The following CLHC1 variants were observed in gnomAD, a reference collection of about 807,000 sequenced individuals.
CLHC1 encodes clathrin heavy chain linker domain containing 1, also known as clathrin heavy chain linker domain-containing protein 1.
Under a neutral mutation model 69.5 loss-of-function variants are expected in CLHC1, and 72 were observed. The observed-to-expected ratio is 1.04, with a 90% CI of 0.86 to 1.26. CLHC1 has a LOEUF of 1.26. CLHC1 is among the 50% of genes most tolerant of loss of function. The probability of loss-of-function intolerance (pLI) is 0.00; values close to 1 mark genes in which losing one functional copy is unlikely to be tolerated. For missense variants in CLHC1, 790 were observed against 679.3 expected (o/e 1.16, Z -1.81); for synonymous variants, 223 against 224.3 (o/e 0.99, Z 0.05).
At chr2:55,194,982 TC>T (rs1671269885) in intron 9 of CLHC1, among the ~76,000 whole-genome samples, 1 of 151,936 alleles carries the variant, frequency 6.6e-6, no homozygotes, top group South Asian at 2.1e-4. Flanking sequence ...AGTGGTGTGA[TC>T]ATAGCTCACT....
At chr2:55,228,627 G>A (rs1674944267) in intron 1 of CLHC1, among the ~76,000 whole-genome samples, 1 of 152,230 alleles carries the variant, frequency 6.6e-6, no homozygotes, top group South Asian at 2.1e-4. Context: ...CAGAAGGCCA[G>A]AGGGGCATCT....
chr2:55,211,088 C>T (rs1406239571), intron 5 of CLHC1, among the ~76,000 whole-genome samples: 1 of 152,176 alleles, frequency 6.6e-6, no homozygotes, highest in African/African-American at 2.4e-5. Context: ...ATTGATTCTA[C>T]TTAATTTTAA....
chr2:55,180,657 T>C lies in CLHC1; in HGVS notation c.1237A>G (p.Thr413Ala), dbSNP rs771657599. The C allele has an allele frequency of 5.0e-6, 8 of 1,613,960 alleles. No homozygotes were observed. In the South Asian group the frequency reaches 8.8e-5, roughly 18 times the overall value. The change falls in exon 11 of 13, where the codon ACT becomes GCT. Residue 413 changes from threonine (T) to alanine (A), a missense_variant. Thr to Ala is a moderately conservative substitution (Grantham distance 58). Transcript: ENST00000401408. ...GCCAGGCACTTGGCCTTGTTATAAG[T>C]ATCCTGCTCCCCATAATCACAAATC... ...DVICDYGEQDTYNKAKCLALA... is the reference protein window; with the variant it reads ...DVICDYGEQDAYNKAKCLALA...
chr2:55,218,486 C>A (rs1673797698), intron 3 of CLHC1: 1 of 152,262 alleles, frequency 6.6e-6, no homozygotes, highest in Admixed American at 6.5e-5. Flanking sequence ...TTTCTATTCC[C>A]AGTCATGTGC....
intron 11 of CLHC1, among the ~76,000 whole-genome samples, 187 bp from the exon 12 acceptor site, chr2:55,177,968 C>T (rs1019741914): frequency 1.3e-5 from 2 of 151,886 alleles, no homozygotes; most frequent in African/African-American, 4.8e-5. Context: ...AAATCATGCT[C>T]AGCATAGCAA....
chr2:55,226,924 C>T (rs1674765018), intron 2 of CLHC1, among the ~76,000 whole-genome samples: 1 of 152,218 alleles, frequency 6.6e-6, no homozygotes, highest in Non-Finnish European at 1.5e-5. Context: ...TGAGCCACTG[C>T]ACCTGGCTGC....
rs1051117157 is a variant in CLHC1 at position 55,190,068 on chromosome 2, G to A, written c.1007-8324C>T. Among the ~76,000 whole-genome samples the A allele has an allele frequency of 1.5e-4, 22 of 151,274 alleles. 1 individual carries two copies. Among genetic ancestry groups the A allele is most frequent in the African/African-American group, 4.9e-4 (20 of 41,154 alleles). On this transcript the variant is annotated intron_variant, in intron 9 of 12. Coordinates refer to ENST00000401408, the MANE Select transcript of CLHC1 (RefSeq NM_152385.4). ...GTAAAATTCTTTTTTTTTTTGAGACGGAGTCTCACTCTGTGGCCCAGGCTG... is the reference window on the plus strand; with the variant it reads ...GTAAAATTCTTTTTTTTTTTGAGACAGAGTCTCACTCTGTGGCCCAGGCTG...
rs539103838 is a variant in CLHC1, at chr2:55,174,075, C to T, written c.*1715G>A. 1.3e-5 allele frequency among the ~76,000 whole-genome samples: 2 copies of T among 151,158 alleles called. No homozygotes were observed. The highest frequency in any genetic ancestry group is 4.9e-5 in the African/African-American group (2 of 41,180). On this transcript the variant is annotated 3_prime_UTR_variant, in exon 13 of 13. Coordinates refer to ENST00000401408, the MANE Select transcript of CLHC1 (RefSeq NM_152385.4). ...CAAAGAACCAGTGCTGCCGAAATAC[C>T]TCTCCCTTTCCATTCCTTTTTTCCA...
In CLHC1 at chr2:55,209,837, G is replaced by T; in HGVS notation, c.500-6C>A. On this transcript the variant is annotated splice_region_variant and splice_polypyrimidine_tract_variant and intron_variant, in intron 5 of 12. Transcript: ENST00000401408. Reference sequence around the variant, plus strand: ...GGATTCTTGAAGAGTCATGCCTATGGGGAAAGGGAACAAATCAAACACGAC... The same window carrying T: ...GGATTCTTGAAGAGTCATGCCTATGTGGAAAGGGAACAAATCAAACACGAC... The T allele has an allele frequency of 6.3e-7, 1 of 1,587,588 alleles. No individual in the cohort carries two copies. The highest frequency in any genetic ancestry group is 8.6e-7 in the Non-Finnish European group (1 of 1,160,366).
chr2:55,185,414 T>TA (rs1458600815), intron 9 of CLHC1, among the ~76,000 whole-genome samples: 3 of 152,158 alleles, frequency 2.0e-5, no homozygotes, highest in Non-Finnish European at 4.4e-5. Flanking sequence ...CTGAAAAAGA[T>TA]AAAACAAAAG....
In CLHC1 at chr2:55,188,103, C is replaced by A. The variant is rs542444706; in HGVS notation, c.1007-6359G>T. On this transcript the variant is annotated intron_variant, in intron 9 of 12. Coordinates refer to ENST00000401408, the MANE Select transcript of CLHC1 (RefSeq NM_152385.4). ...CCAAGGTGGGAGGATGGCTTAAGGC[C>A]AGGAGTTTGAGACCAGCCTGGGCAA... Among the ~76,000 whole-genome samples the A allele has an allele frequency of 2.0e-5, 3 of 152,172 alleles. 1 individual carries two copies. The highest frequency in any genetic ancestry group is 7.2e-5 in the African/African-American group (3 of 41,502).
At chr2:55,223,893 TC>T (rs1674428556) in intron 2 of CLHC1, 1 of 152,264 alleles carries the variant, frequency 6.6e-6, no homozygotes, top group Admixed American at 6.5e-5. Context: ...CCTCCCGAGT[TC>T]ACGCGATTCT....
chr2:55,212,459 C>T (rs984005218), intron 5 of CLHC1, among the ~76,000 whole-genome samples: 2 of 152,200 alleles, frequency 1.3e-5, no homozygotes, highest in East Asian at 1.9e-4. Context: ...CACTGCATTA[C>T]ACTTTATATA....
intron 9 of CLHC1, among the ~76,000 whole-genome samples, chr2:55,192,420 T>C (rs1016592054): frequency 2.0e-5 from 3 of 152,090 alleles, no homozygotes; most frequent in Admixed American, 6.5e-5. Flanking sequence ...TGGCCTCAAA[T>C]TGTATTTTTA....
At chr2:55,177,144 A>G (rs1270065808) in intron 12 of CLHC1, among the ~76,000 whole-genome samples, 1 of 152,176 alleles carries the variant, frequency 6.6e-6, no homozygotes, top group African/African-American at 2.4e-5. Flanking sequence ...AAGTGCTGGG[A>G]TTACAGGGGT....
chr2:55,209,765 T>G lies in CLHC1; in HGVS notation c.566A>C (p.Lys189Thr). The change falls in exon 6 of 13, where the codon AAA (lysine) becomes ACA (threonine). Residue 189 changes from lysine to threonine, a missense_variant. Lys to Thr is a moderately conservative substitution (Grantham distance 78). Coordinates refer to ENST00000401408, the MANE Select transcript of CLHC1 (RefSeq NM_152385.4). The stretch of plus-strand genomic sequence containing the variant: ...CATAGCTTGTTTAATTTCTGCATAT[T>G]TATCTTCAAGATGTTTCATGTATTT... ...LTKYMKHLEDKYAEIKQAMLI... is the reference protein window; with the variant it reads ...LTKYMKHLEDTYAEIKQAMLI... 4.3e-6 allele frequency: 7 copies of G among 1,611,944 alleles called. No homozygotes were observed. The highest frequency in any genetic ancestry group is 5.9e-6 in the Non-Finnish European group (7 of 1,178,336).
intron 9 of CLHC1, among the ~76,000 whole-genome samples, chr2:55,188,893 AT>A (rs1670667096): frequency 6.6e-6 from 1 of 152,232 alleles, no homozygotes; most frequent in Non-Finnish European, 1.5e-5. Flanking sequence ...GTATAATTCA[AT>A]TCACATTTAA....
At chr2:55,197,854 A>G (rs1180138693) in intron 9 of CLHC1, among the ~76,000 whole-genome samples, 1 of 152,194 alleles carries the variant, frequency 6.6e-6, no homozygotes, top group Non-Finnish European at 1.5e-5. Context: ...AACAAACTAA[A>G]TAAGGTAACA....
intron 9 of CLHC1, among the ~76,000 whole-genome samples, chr2:55,200,730 T>A (rs534284003): frequency 6.6e-6 from 1 of 152,310 alleles, no homozygotes; most frequent in East Asian, 1.9e-4. Context: ...AAAATACACA[T>A]TCTTCTTCTT....
Sources: allele counts gnomAD v4.1 joint callset (sites outside exome capture counted in the v4.1 genomes callset), GRCh38; gene constraint gnomAD v4.1.1; transcripts MANE v1.5; gene names NCBI Gene and HGNC (gene_info 2026-07-23, HGNC 2026-07-21).